The following WDPCP variants were observed in gnomAD, a reference collection of about 807,000 sequenced individuals.
The protein encoded by WDPCP is WD repeat containing planar cell polarity effector, also known as WD repeat-containing and planar cell polarity effector protein fritz homolog.
In WDPCP, 71 loss-of-function variants were observed where a neutral mutation model predicts 93.1. That is an observed-to-expected ratio of 0.76 (90% confidence interval 0.63 to 0.93). The LOEUF is 0.93. Ranked by LOEUF, WDPCP falls within the 40% of genes least tolerant of loss-of-function variation. WDPCP has a pLI of 0.00. For synonymous variants in WDPCP, 315 were observed against 315.0 expected (o/e 1.00, Z 0.00); for missense variants, 844 against 887.4 (o/e 0.95, Z 0.62).
intron 15 of WDPCP, among the ~76,000 whole-genome samples, chr2:63,162,925 C>G (rs1672734524): frequency 6.6e-6 from 1 of 152,052 alleles, no homozygotes; most frequent in Non-Finnish European, 1.5e-5. Context: ...CAAGTGAAAA[C>G]ACTTCTTAAA....
At chr2:63,762,175 G>A (rs140623497) in intron 2 of WDPCP, among the ~76,000 whole-genome samples, 23 of 152,214 alleles carry the variant, frequency 1.5e-4, no homozygotes, top group East Asian at 7.7e-4. Context: ...CCAAGTGGTC[G>A]GGCAGGAGAA....
At chr2:63,467,868 C>T (rs182460121) in intron 6 of WDPCP, among the ~76,000 whole-genome samples, 1 of 151,774 alleles carries the variant, frequency 6.6e-6, no homozygotes, top group East Asian at 1.9e-4. Context: ...TAAGATTCCT[C>T]AGGTACAATG....
intron 12 of WDPCP, among the ~76,000 whole-genome samples, chr2:63,374,397 T>C (rs529177178): frequency 3.3e-5 from 5 of 152,194 alleles, no homozygotes; most frequent in Admixed American, 2.0e-4. Flanking sequence ...ATATATTATC[T>C]AGCATTTTTG....
At chr2:63,251,486 CTTTTTTTTTT>C (rs869243555) in intron 14 of WDPCP, among the ~76,000 whole-genome samples, 5 of 107,130 alleles carry the variant, frequency 4.7e-5, no homozygotes, top group African/African-American at 1.1e-4. Flanking sequence ...AAAAGCCTAC[CTTTTTTTTTT>C]TTTTTTTTTT....
intron 14 of WDPCP, among the ~76,000 whole-genome samples, chr2:63,195,725 T>A (rs1675381494): frequency 6.6e-6 from 1 of 151,894 alleles, no homozygotes; most frequent in Non-Finnish European, 1.5e-5. Context: ...TCCAAAAAAA[T>A]TAAGAAAAGG....
At chr2:63,702,774 G>A (rs1669079763) in intron 2 of WDPCP, among the ~76,000 whole-genome samples, 1 of 151,218 alleles carries the variant, frequency 6.6e-6, no homozygotes, top group Admixed American at 6.6e-5. Flanking sequence ...ACAACGTGCA[G>A]GTTTGTTACA....
chr2:63,821,507 A>G (rs1671016677), intron 1 of WDPCP, among the ~76,000 whole-genome samples: 1 of 152,144 alleles, frequency 6.6e-6, no homozygotes, highest in South Asian at 2.1e-4. Context: ...TCTTTTTCTC[A>G]TCTAAGGAGT....
At chr2:63,235,050 C>T (rs923159354) in intron 14 of WDPCP, among the ~76,000 whole-genome samples, 16 of 151,858 alleles carry the variant, frequency 1.1e-4, no homozygotes, top group Admixed American at 9.2e-4. Flanking sequence ...AAAGGATAAA[C>T]GAAAAGTTGG....
rs900290502 is a variant in WDPCP at position 63,622,215 on chromosome 2, G to T, written n.488+28444C>A. 3 of 1,604,904 alleles carry T rather than the reference G, an allele frequency of 1.9e-6. No homozygotes were observed. In the East Asian group the frequency reaches 6.7e-5, roughly 36 times the overall value. On this transcript the variant is annotated intron_variant and non_coding_transcript_variant, in intron 3 of 4. Transcript: ENST00000467687. Reference sequence around the variant, plus strand: ...CTGCTGCTGCTGCTTCTTGGTGGCCGCCTTGCTGGCGAGGTCCTTGGCCTT... The same window carrying T: ...CTGCTGCTGCTGCTTCTTGGTGGCCTCCTTGCTGGCGAGGTCCTTGGCCTT...
chr2:63,215,455 G>A (rs1677240280), intron 14 of WDPCP, among the ~76,000 whole-genome samples: 1 of 152,152 alleles, frequency 6.6e-6, no homozygotes, highest in Non-Finnish European at 1.5e-5. Context: ...ACAAGAAATG[G>A]GGAAAGGATT....
At chr2:63,703,012 G>T (rs1669086078) in intron 2 of WDPCP, among the ~76,000 whole-genome samples, 1 of 152,096 alleles carries the variant, frequency 6.6e-6, no homozygotes, top group Non-Finnish European at 1.5e-5. Context: ...GAGAATGATG[G>T]TTTCAAGCTT....
At chr2:63,237,958 T>C (rs1342302458) in intron 14 of WDPCP, among the ~76,000 whole-genome samples, 1 of 151,166 alleles carries the variant, frequency 6.6e-6, no homozygotes, top group Non-Finnish European at 1.5e-5. Context: ...AACCTGTACA[T>C]GCATTCCCCT....
chr2:63,642,463 C>CTTTTTTTTTT (rs375872361), intron 3 of WDPCP: 1 of 144,112 alleles, frequency 6.9e-6, no homozygotes, highest in African/African-American at 2.5e-5. Context: ...TCTTTTCTTT[C>CTTTTTTTTTT]TTTTTTTTTT....
chr2:63,462,276 C>T (rs1369750421), intron 6 of WDPCP, among the ~76,000 whole-genome samples: 2 of 152,178 alleles, frequency 1.3e-5, no homozygotes, highest in Non-Finnish European at 2.9e-5. Context: ...TGCATATTCT[C>T]ACTCATAGGT....
intron 6 of WDPCP, among the ~76,000 whole-genome samples, chr2:63,450,932 G>A (rs1460593244): frequency 1.3e-5 from 2 of 152,046 alleles, no homozygotes. Context: ...AGCACGGGAA[G>A]TATGAAAAAG....
At chr2:63,647,921 T>C (rs1710070756) in intron 3 of WDPCP, among the ~76,000 whole-genome samples, 1 of 152,136 alleles carries the variant, frequency 6.6e-6, no homozygotes, top group Non-Finnish European at 1.5e-5. Context: ...GGCTCAAGAA[T>C]CTATATCTCT....
At chr2:63,438,016 G>A (rs1369500024) in intron 7 of WDPCP, 16 of 1,284,244 alleles carry the variant, frequency 1.2e-5, no homozygotes, top group Middle Eastern at 2.2e-4. Context: ...TTTCATCAGT[G>A]AATCTTCTTT....
intron 12 of WDPCP, among the ~76,000 whole-genome samples, chr2:63,376,604 G>A (rs994751972): frequency 3.0e-4 from 46 of 151,832 alleles, no homozygotes; most frequent in African/African-American, 1.1e-3. Flanking sequence ...CTTTAGGCAG[G>A]AGGAGAATTC....
intron 6 of WDPCP, among the ~76,000 whole-genome samples, chr2:63,479,163 C>T (rs116393176): frequency 0.029 from 4,371 of 151,980 alleles, 91 homozygotes; most frequent in South Asian, 0.07. Flanking sequence ...CTGAACAGAC[C>T]AGTAACAGGC....
Sources: gnomAD v4.1 joint callset for allele counts (sites outside exome capture counted in the v4.1 genomes callset) on GRCh38, gnomAD v4.1.1 for gene constraint, MANE v1.5 for transcripts, NCBI Gene and HGNC (gene_info 2026-07-23, HGNC 2026-07-21) for gene names.